Variants in AQP7 observed in about 807,000 individuals in gnomAD.
AQP7 encodes aquaporin 7, also known as aquaporin-7.
In AQP7, 22 loss-of-function variants were observed where a neutral mutation model predicts 26.1. That is an observed-to-expected ratio of 0.84 (90% CI 0.60 to 1.20). AQP7 has a LOEUF of 1.20. Among genes scored for constraint, AQP7 ranks in the 50% most tolerant of loss-of-function variants. The probability of loss-of-function intolerance (pLI) is 0.00; values close to 1 mark genes in which losing one functional copy is unlikely to be tolerated. For missense variants in AQP7, 412 were observed against 457.5 expected (o/e 0.90, Z 0.91); for synonymous variants, 167 against 181.7 (o/e 0.92, Z 0.65).
intron 3 of AQP7, among the ~76,000 whole-genome samples, chr9:33,392,502 G>A (rs954612924): frequency 2.0e-5 from 3 of 152,018 alleles, no homozygotes; most frequent in Non-Finnish European, 2.9e-5. Context: ...CACAGAGCCC[G>A]GGATGCATTA....
rs1194196087 is a variant in AQP7 at position 33,402,479 on chromosome 9, C to T, written c.-132G>A. The T allele has an allele frequency of 1.3e-5, 2 of 152,764 alleles. No homozygotes were observed. Among genetic ancestry groups the T allele is most frequent in the Non-Finnish European group, 2.9e-5 (2 of 68,124 alleles). The allele number at this position is 152,764 out of a possible 1,614,324, so 9.5% of individuals were successfully genotyped here. ...CTGTCCCTGGCTCAGCTTCCACCCC[C>T]AGCTGGGGCTCAGCTATCCCTGTGT... is the stretch of plus-strand genomic sequence containing the variant. On this transcript the variant is annotated 5_prime_UTR_variant, in exon 1 of 8. Transcript: ENST00000297988.
At chr9:33,401,042 C>T in intron 2 of AQP7, 195 bp downstream of exon 2, 2 of 637,750 alleles carry the variant, frequency 3.1e-6, no homozygotes, top group Non-Finnish European at 5.6e-6. Context: ...CCCCTCACCC[C>T]AGGACCCAGC....
At chr9:33,386,853 G>C (rs1044743983) in intron 4 of AQP7, 116 bp downstream of exon 4, 3 of 1,471,532 alleles carry the variant, frequency 2.0e-6, no homozygotes, top group Non-Finnish European at 2.8e-6. Flanking sequence ...CCTCCCGCCC[G>C]GTGGCCAGGC....
rs371523158 is a variant in AQP7 at position 33,385,122 on chromosome 9, C to T, written c.912G>A (p.Met304Ile). The T allele has an allele frequency of 6.2e-7, 1 of 1,611,788 alleles. No individual in the cohort carries two copies. ...EDHGITVLPK[M>I]GSHEPTISPL... is the part of the protein sequence containing the mutation. The stretch of plus-strand genomic sequence containing the variant: ...GAGAGATCGTGGGTTCATGAGATCC[C>T]ATCTTGGGCAATACGGTTATCCCGT... The change falls in exon 8 of 8, where the codon ATG (methionine) becomes ATA (isoleucine). Residue 304 changes from methionine to isoleucine, a missense_variant. Transcript: ENST00000297988.
At chr9:33,386,929 C>T (rs762419607) in intron 4 of AQP7, 40 bp downstream of exon 4, 1 of 1,609,534 alleles carries the variant, frequency 6.2e-7, no homozygotes, top group Non-Finnish European at 8.5e-7. Flanking sequence ...GTTGGGGACA[C>T]CTGGTCTTGC....
chr9:33,391,217 T>C (rs566840929), intron 3 of AQP7, among the ~76,000 whole-genome samples: 1 of 152,284 alleles, frequency 6.6e-6, no homozygotes, highest in Admixed American at 6.5e-5. Context: ...AGCGCACAGG[T>C]TTTGTTTAGA....
Position 33,387,021 on chromosome 9 carries a change from CA to C in AQP7, c.215del (p.Leu72TrpfsTer22). The C allele has an allele frequency of 2.5e-6, 4 of 1,612,018 alleles. No homozygotes were observed. The highest frequency in any genetic ancestry group is 3.4e-6 in the Non-Finnish European group (4 of 1,179,836). On this transcript the variant is annotated frameshift_variant, in exon 4 of 8. Coordinates refer to ENST00000297988, the MANE Select transcript of AQP7 (RefSeq NM_001170.3). LOFTEE classifies it high-confidence loss of function. The part of the protein sequence containing the change: ...KKYGSYLGVN[L>X]GFGFGVTMGV... ...CCATGGTGACTCCGAAGCCAAAACC[CA>C]AGTTGACACCAAGGTAGCTCCCATA...
chr9:33,388,976 C>T (rs1825123618), intron 3 of AQP7, among the ~76,000 whole-genome samples: 1 of 151,944 alleles, frequency 6.6e-6, no homozygotes, highest in Non-Finnish European at 1.5e-5. Context: ...CCCACCTCAG[C>T]CTCCCAAGTA....
chr9:33,394,289 CA>C, intron 3 of AQP7: 1 of 152,460 alleles, frequency 6.6e-6, no homozygotes, highest in Non-Finnish European at 1.5e-5. Context: ...TGTCCCAGAT[CA>C]AAAACAGCCT....
chr9:33,400,958 G>T (rs1217751425), intron 2 of AQP7: 6 of 518,746 alleles, frequency 1.2e-5, no homozygotes, highest in Admixed American at 3.1e-5. Flanking sequence ...GCCTGAGAGG[G>T]TGAGAGGTGC....
chr9:33,400,076 G>A (rs1826147280), intron 2 of AQP7, among the ~76,000 whole-genome samples: 2 of 152,096 alleles, frequency 1.3e-5, no homozygotes, highest in South Asian at 2.1e-4. Context: ...TGAGACACCA[G>A]TGGGTCTCTA....
At position 33,383,332 on chromosome 9, in the gene AQP7, A is replaced by T. The variant is rs1390466135; in HGVS notation, c.*1673T>A. On this transcript the variant is annotated 3_prime_UTR_variant, in exon 8 of 8. Coordinates refer to ENST00000297988, the MANE Select transcript of AQP7 (RefSeq NM_001170.3). ...GATCACACACATTTTGCCACCCCCC[A>T]TTCCAAGTCCCATAGGCAACTCAGA... 6.6e-6 allele frequency: 1 copy of T among 152,098 alleles called. No individual in the cohort carries two copies. Among genetic ancestry groups the T allele is most frequent in the East Asian group, 1.9e-4 (1 of 5,198 alleles). 9.4% of individuals were successfully genotyped at this position (152,098 alleles called of 1,614,324 possible).
In AQP7 at chr9:33,385,694, G is replaced by T; in HGVS notation, c.698C>A (p.Pro233His). The T allele has an allele frequency of 2.5e-6, 4 of 1,613,948 alleles. No individual in the cohort carries two copies. The South Asian group carries it at 3.3e-5, about 13-fold the overall frequency. The change falls in exon 7 of 8, where the codon CCC becomes CAC. Residue 233 changes from proline to histidine, a missense_variant. By Grantham distance (77) the Pro-to-His change is moderately conservative. Coordinates refer to ENST00000297988, the MANE Select transcript of AQP7 (RefSeq NM_001170.3). ...ACCAGCAATGAAGGTGAAGATGCGGGGGGGCAGGTCCCGGGACGGGTTGAT... is the reference window on the plus strand; with the variant it reads ...ACCAGCAATGAAGGTGAAGATGCGGTGGGGCAGGTCCCGGGACGGGTTGAT... ...YAINPSRDLP[P>H]RIFTFIAGWG...
rs58621196 is a variant in AQP7 at position 33,399,613 on chromosome 9, T to A, written c.26+1624A>T. ...AAGACTCCATCTCAAAAAAAAAAAA[T>A]TTTTTTTTGTTGAGCATCTACTTAT... On this transcript the variant is annotated intron_variant, in intron 2 of 7. Transcript: ENST00000297988. Among the ~76,000 whole-genome samples the A allele has an allele frequency of 7.8e-4, 117 of 149,908 alleles. 1 individual carries two copies. The East Asian group carries it at 9.4e-3, about 12-fold the overall frequency.
intron 5 of AQP7, 75 bp from the exon 6 acceptor site, chr9:33,386,270 G>T (rs375571156): frequency 6.2e-7 from 1 of 1,605,532 alleles, no homozygotes; most frequent in East Asian, 2.2e-5. Flanking sequence ...GAGGTTATAG[G>T]TTAGAGGGTG....
intron 2 of AQP7, among the ~76,000 whole-genome samples, chr9:33,396,438 CAA>C (rs3055483): frequency 7.8e-4 from 24 of 30,858 alleles, no homozygotes; most frequent in Admixed American, 2.5e-3. Context: ...GACTCCATCT[CAA>C]AAAAAAAAAA....
intron 7 of AQP7, 132 bp from the exon 8 acceptor site, chr9:33,385,422 C>T (rs983855930): frequency 1.0e-5 from 11 of 1,100,896 alleles, no homozygotes; most frequent in African/African-American, 9.4e-5. Context: ...CAACCCAGGG[C>T]CCTGGTCAGC....
chr9:33,388,392 A>C (rs984724936), intron 3 of AQP7, among the ~76,000 whole-genome samples: 19 of 152,100 alleles, frequency 1.2e-4, no homozygotes, highest in African/African-American at 4.6e-4. Flanking sequence ...TTGCAGCCAG[A>C]GTGATCTTCC....
Position 33,386,458 on chromosome 9 carries a change from C to T in AQP7, c.352G>A (p.Gly118Arg), listed in dbSNP as rs988869324. The change falls in exon 5 of 8, where the codon GGG becomes AGG. Residue 118 changes from glycine (G) to arginine (R), a missense_variant. Physicochemically the swap from Gly to Arg is moderately radical, Grantham distance 125. Transcript: ENST00000297988. ...PWRKFPVYVL[G>R]QFLGSFLAAA... is the part of the protein sequence containing the mutation. Reference sequence around the variant, plus strand: ...GCCAGGAAGGAGCCCAGGAACTGCCCCAGCACATAGACCGGAAACTTCCTC... The same window carrying T: ...GCCAGGAAGGAGCCCAGGAACTGCCTCAGCACATAGACCGGAAACTTCCTC... 1 of 1,611,712 alleles carries T rather than the reference C, an allele frequency of 6.2e-7. No homozygotes were observed.
Sources: gnomAD v4.1 joint callset for allele counts (sites outside exome capture counted in the v4.1 genomes callset) on GRCh38, gnomAD v4.1.1 for gene constraint, MANE v1.5 for transcripts, NCBI Gene and HGNC (gene_info 2026-07-23, HGNC 2026-07-21) for gene names.